The following COL12A1 variants were observed in gnomAD, a reference collection of about 807,000 sequenced individuals.
COL12A1 encodes collagen type XII alpha 1 chain, also known as collagen alpha-1(XII) chain.
Under a neutral mutation model 349.7 loss-of-function variants are expected in COL12A1, and 114 were observed. That is an observed-to-expected ratio of 0.33 (90% CI 0.28 to 0.38). The LOEUF is 0.38. Among genes scored for constraint, COL12A1 ranks in the 10% least tolerant of loss-of-function variants. The pLI, the probability that COL12A1 is intolerant of heterozygous loss-of-function variation, is 1.00. For synonymous variants in COL12A1, 1,369 were observed against 1,329.0 expected (o/e 1.03, Z -0.66); for missense variants, 3,284 against 3,756.9 (o/e 0.87, Z 3.29).
At position 75,132,304 on chromosome 6, in the gene COL12A1, TTA is replaced by T. The variant is rs1220067553; in HGVS notation, c.5795-224_5795-223del. On this transcript the variant is annotated intron_variant, in intron 34 of 65. Coordinates refer to ENST00000322507, the MANE Select transcript of COL12A1 (RefSeq NM_004370.6). ...TATAAGGAAGCAACATTGTATTCAA[TTA>T]AAAACAAGCTAATAAACGTGGTGGA... Among the ~76,000 whole-genome samples, 8 of 152,258 alleles carry T rather than the reference TTA, an allele frequency of 5.3e-5. No individual in the cohort carries two copies. In the South Asian group the frequency reaches 1.0e-3, roughly 20 times the overall value.
chr6:75,091,502 T>A lies in COL12A1; in HGVS notation c.8673A>T (p.Glu2891Asp). The change falls in exon 61 of 66, where the codon GAA becomes GAT. Residue 2891 changes from glutamate to aspartate, a missense_variant. Transcript: ENST00000322507. ...GRPGPSGLKG[E>D]KGDRGDIASQ... Reference sequence around the variant, plus strand: ...TAAAAATACATACCCTATCACCTTTTTCTCCTTTCAACCCAGATGGACCCT... The same window carrying A: ...TAAAAATACATACCCTATCACCTTTATCTCCTTTCAACCCAGATGGACCCT... The A allele has an allele frequency of 1.2e-6, 2 of 1,612,614 alleles. No homozygotes were observed. The highest frequency in any genetic ancestry group is 1.7e-6 in the Non-Finnish European group (2 of 1,179,742).
intron 56 of COL12A1, 73 bp from the exon 57 acceptor site, chr6:75,102,125 C>A: frequency 7.2e-7 from 1 of 1,379,902 alleles, no homozygotes; most frequent in South Asian, 1.2e-5. Context: ...ACATGAGTCA[C>A]TTATGAAATC....
intron 3 of COL12A1, among the ~76,000 whole-genome samples, chr6:75,192,869 C>G (rs1770019073): frequency 6.6e-6 from 1 of 151,992 alleles, no homozygotes; most frequent in African/African-American, 2.4e-5. Flanking sequence ...TGGCTACATG[C>G]CTTAATGGGT....
intron 2 of COL12A1, among the ~76,000 whole-genome samples, chr6:75,202,263 C>A (rs951885570): frequency 6.6e-6 from 1 of 152,206 alleles, no homozygotes; most frequent in African/African-American, 2.4e-5. Context: ...CTGTTGGAGT[C>A]TTTTATTGTG....
intron 63 of COL12A1, among the ~76,000 whole-genome samples, chr6:75,089,475 A>T (rs1320814952): frequency 6.6e-6 from 1 of 152,236 alleles, no homozygotes; most frequent in East Asian, 1.9e-4. Flanking sequence ...TTGTTATAAT[A>T]TCTCATTGAA....
intron 13 of COL12A1, among the ~76,000 whole-genome samples, chr6:75,170,249 GC>G (rs1768553286): frequency 1.3e-5 from 2 of 152,130 alleles, no homozygotes; most frequent in Admixed American, 6.6e-5. Context: ...GTTCCAGCCA[GC>G]TTTCATTGAG....
intron 21 of COL12A1, among the ~76,000 whole-genome samples, chr6:75,150,135 A>T (rs2149413513): frequency 6.6e-6 from 1 of 152,264 alleles, no homozygotes; most frequent in South Asian, 2.1e-4. Context: ...AACTTTTCCA[A>T]AACCAAATTA....
intron 21 of COL12A1, among the ~76,000 whole-genome samples, chr6:75,148,954 G>A (rs1767343157): frequency 6.6e-6 from 1 of 152,108 alleles, no homozygotes; most frequent in Non-Finnish European, 1.5e-5. Flanking sequence ...GTCTCACGAG[G>A]TCTAATGCTT....
rs1013118064 is a variant in COL12A1 at position 75,131,121 on chromosome 6, C to G, written c.5938-140G>C. The G allele has an allele frequency of 5.5e-6, 6 of 1,092,704 alleles. No homozygotes were observed. In the African/African-American group the frequency reaches 9.6e-5, roughly 17 times the overall value. The allele number at this position is 1,092,704 out of a possible 1,614,324, so 67.7% of individuals were successfully genotyped here. On this transcript the variant is annotated intron_variant, in intron 35 of 65. Transcript: ENST00000322507. ...AGCCAACTGTGCTTCTCCATAAGATCCACCCAGACCATATCATTAAACAAA... is the reference window on the plus strand; with the variant it reads ...AGCCAACTGTGCTTCTCCATAAGATGCACCCAGACCATATCATTAAACAAA...
rs758239491 is a variant in COL12A1, at chr6:75,085,859, A to G, written c.*688T>C. ...CTGTACCTCACACAAACTGAGTTAC[A>G]GCTGGTGGGTGAGGAACACCAGTGA... On this transcript the variant is annotated 3_prime_UTR_variant, in exon 66 of 66. Transcript: ENST00000322507. 5.2e-5 allele frequency: 8 copies of G among 154,790 alleles called. No individual in the cohort carries two copies. The highest frequency in any genetic ancestry group is 1.0e-4 in the Non-Finnish European group (7 of 69,362). The allele number at this position is 154,790 out of a possible 1,614,324, so 9.6% of individuals were successfully genotyped here.
At chr6:75,177,596 T>C in intron 12 of COL12A1, 67 bp downstream of exon 12, 1 of 1,583,570 alleles carries the variant, frequency 6.3e-7, no homozygotes, top group Non-Finnish European at 8.7e-7. Context: ...ATCTGGATAG[T>C]TGTCCCAATT....
rs183654228 is a variant in COL12A1, at chr6:75,158,932, G to A, written c.2984-2409C>T. 1.9e-3 allele frequency among the ~76,000 whole-genome samples: 286 copies of A among 151,958 alleles called. 1 individual carries two copies. Among genetic ancestry groups the A allele is most frequent in the African/African-American group, 6.3e-3 (262 of 41,508 alleles). The stretch of plus-strand genomic sequence containing the variant: ...ATTAATTGGAGTACCTGAATAAAGT[G>A]GGGGTGTAATAAATAAAGTATTTGA... On this transcript the variant is annotated intron_variant, in intron 14 of 65. Coordinates refer to ENST00000322507, the MANE Select transcript of COL12A1 (RefSeq NM_004370.6).
At chr6:75,155,149 C>T (rs1234513251) in intron 16 of COL12A1, among the ~76,000 whole-genome samples, 1 of 152,104 alleles carries the variant, frequency 6.6e-6, no homozygotes, top group East Asian at 1.9e-4. Flanking sequence ...TTTCACTGCA[C>T]AGCCTGGAGC....
At chr6:75,136,855 T>C (rs1766633491) in intron 31 of COL12A1, among the ~76,000 whole-genome samples, 1 of 152,078 alleles carries the variant, frequency 6.6e-6, no homozygotes, top group Non-Finnish European at 1.5e-5. Context: ...AGGGAAAGAC[T>C]AGGAAGAGAA....
chr6:75,139,227 A>G (rs931572999), intron 27 of COL12A1, among the ~76,000 whole-genome samples: 6 of 152,238 alleles, frequency 3.9e-5, no homozygotes, highest in Middle Eastern at 3.4e-3. Flanking sequence ...TTAAGAATCA[A>G]ATCAACACTA....
rs377262228 is a variant in COL12A1, at chr6:75,096,844, C to G, written c.8577+409G>C. ...CCGGGAGGCGGAGCTTGCAGTGAGCCGAGATCCCGCCACTGCACTCCAGCC... is the reference window on the plus strand; with the variant it reads ...CCGGGAGGCGGAGCTTGCAGTGAGCGGAGATCCCGCCACTGCACTCCAGCC... On this transcript the variant is annotated intron_variant, in intron 59 of 65. Transcript: ENST00000322507. 5.1e-4 allele frequency among the ~76,000 whole-genome samples: 75 copies of G among 145,884 alleles called. 1 individual carries two copies. The East Asian group carries it at 0.015, about 29-fold the overall frequency.
At chr6:75,096,068 C>CA (rs1432796140) in intron 59 of COL12A1, among the ~76,000 whole-genome samples, 1 of 152,130 alleles carries the variant, frequency 6.6e-6, no homozygotes, top group Non-Finnish European at 1.5e-5. Flanking sequence ...TTAACCCCAC[C>CA]AAAATCATAA....
intron 51 of COL12A1, among the ~76,000 whole-genome samples, chr6:75,111,196 T>C (rs568329824): frequency 3.3e-5 from 5 of 150,648 alleles, no homozygotes; most frequent in Admixed American, 2.0e-4. Flanking sequence ...GTTTAAGGAA[T>C]GGAGGAGAAA....
chr6:75,193,975 A>T (rs1490821628), intron 3 of COL12A1, among the ~76,000 whole-genome samples: 1 of 152,146 alleles, frequency 6.6e-6, no homozygotes, highest in Non-Finnish European at 1.5e-5. Flanking sequence ...CCAGTCTATC[A>T]TCGATGGACA....
Sources: allele counts gnomAD v4.1 joint callset (sites outside exome capture counted in the v4.1 genomes callset), GRCh38; gene constraint gnomAD v4.1.1; transcripts MANE v1.5; gene names NCBI Gene and HGNC (gene_info 2026-07-23, HGNC 2026-07-21).